Variants in DAB2IP observed in about 807,000 individuals in gnomAD.
The protein encoded by DAB2IP is disabled homolog 2-interacting protein.
Under a neutral mutation model 107.2 loss-of-function variants are expected in DAB2IP, and 28 were observed. The observed-to-expected ratio is 0.26, with a 90% CI of 0.19 to 0.36. The LOEUF (loss-of-function observed/expected upper bound fraction) is 0.36, where lower values mean the gene tolerates loss of function less well. DAB2IP is among the 10% of genes least tolerant of loss of function. The pLI is 1.00. For synonymous variants in DAB2IP, 755 were observed against 706.4 expected (o/e 1.07, Z -1.09); for missense variants, 1,400 against 1,644.7 (o/e 0.85, Z 2.57).
chr9:121,695,505 T>A (rs985912031), intron 2 of DAB2IP, among the ~76,000 whole-genome samples: 1 of 152,170 alleles, frequency 6.6e-6, no homozygotes, highest in Non-Finnish European at 1.5e-5. Context: ...AGAGGTCCAG[T>A]AATCGGCCCA....
chr9:121,728,985 A>G (rs1831378232), intron 3 of DAB2IP, among the ~76,000 whole-genome samples: 1 of 152,240 alleles, frequency 6.6e-6, no homozygotes, highest in South Asian at 2.1e-4. Flanking sequence ...GTAATCACCC[A>G]ATCATAATTC....
intron 11 of DAB2IP, among the ~76,000 whole-genome samples, chr9:121,771,984 T>C (rs1477495950): frequency 1.3e-5 from 2 of 152,064 alleles, no homozygotes; most frequent in Non-Finnish European, 2.9e-5. Context: ...GAGAAAAGCG[T>C]AGAATGAGGA....
chr9:121,760,242 G>A lies in DAB2IP; in HGVS notation c.973G>A (p.Gly325Arg). ...CAACCCCAAGGGCGGCAAGGGCCCT[G>A]GACCCATGATCCGCATCAAGGCGCG... Residue 325 changes from glycine (G) to arginine (R), a missense_variant, in exon 6 of 16, where the codon GGA becomes AGA. Coordinates refer to ENST00000408936, the Ensembl canonical transcript of DAB2IP. The surrounding 1 kb of genome is among the most constrained non-coding windows in gnomAD (Gnocchi z 5.9). The A allele has an allele frequency of 6.2e-7, 1 of 1,613,836 alleles. No homozygotes were observed. Among genetic ancestry groups the A allele is most frequent in the Non-Finnish European group, 8.5e-7 (1 of 1,180,028 alleles).
chr9:121,642,018 TCTC>T (rs1564128765), intron 1 of DAB2IP, among the ~76,000 whole-genome samples: 9 of 30,496 alleles, frequency 3.0e-4, no homozygotes, highest in African/African-American at 1.3e-3. Flanking sequence ...TCTCTCTCTC[TCTC>T]TCTCTCTCTC....
chr9:121,654,605 C>G (rs535333790), intron 1 of DAB2IP, among the ~76,000 whole-genome samples: 1 of 152,264 alleles, frequency 6.6e-6, no homozygotes, highest in East Asian at 1.9e-4. Context: ...AAGCCTCAGA[C>G]GCCTGACTCT....
At chr9:121,696,544 C>T (rs895472020) in intron 2 of DAB2IP, among the ~76,000 whole-genome samples, 5 of 152,120 alleles carry the variant, frequency 3.3e-5, no homozygotes, top group African/African-American at 1.2e-4. Context: ...CTTCATCTGG[C>T]GAAGAGGGAG....
intron 1 of DAB2IP, among the ~76,000 whole-genome samples, chr9:121,658,395 C>G (rs912070706): frequency 6.6e-6 from 1 of 152,222 alleles, no homozygotes; most frequent in Non-Finnish European, 1.5e-5. Flanking sequence ...CTCTGTTTCC[C>G]TGGAAGCTTG....
At chr9:121,644,996 T>C (rs1258426202) in intron 1 of DAB2IP, among the ~76,000 whole-genome samples, 1 of 152,174 alleles carries the variant, frequency 6.6e-6, no homozygotes, top group Non-Finnish European at 1.5e-5. Context: ...CAGGCCTGCT[T>C]GAGAAGGGAG....
Position 121,782,650 on chromosome 9 carries a change from C to A in DAB2IP, c.*152C>A. On this transcript the variant is annotated 3_prime_UTR_variant, in exon 16 of 16. Coordinates refer to ENST00000408936, the Ensembl canonical transcript of DAB2IP. This position sits in a 1 kb window ranked among gnomAD's most constrained non-coding sequence, Gnocchi z 6.1. ...TCCCTGCCGCTGTCCAGGAGGCGGC[C>A]GCAGAGGGAGCCACCAGAGACTGAA... The A allele has an allele frequency of 6.8e-7, 1 of 1,459,908 alleles. No homozygotes were observed. Among genetic ancestry groups the A allele is most frequent in the South Asian group, 1.4e-5 (1 of 70,600 alleles). The allele number at this position is 1,459,908 out of a possible 1,614,324, so 90.4% of individuals were successfully genotyped here.
chr9:121,660,957 G>T (rs1478476150), intron 1 of DAB2IP, among the ~76,000 whole-genome samples: 1 of 152,176 alleles, frequency 6.6e-6, no homozygotes, highest in Non-Finnish European at 1.5e-5. Flanking sequence ...ATGGTAGGCT[G>T]ACACCCACGA....
intron 1 of DAB2IP, among the ~76,000 whole-genome samples, chr9:121,667,980 G>C (rs147472008): frequency 7.9e-5 from 12 of 152,096 alleles, no homozygotes; most frequent in Non-Finnish European, 1.8e-4. Context: ...AAGAGAAAAT[G>C]AGAGAGATGC....
chr9:121,712,377 C>G (rs1830378394), intron 3 of DAB2IP, among the ~76,000 whole-genome samples: 1 of 152,204 alleles, frequency 6.6e-6, no homozygotes, highest in Non-Finnish European at 1.5e-5. Flanking sequence ...TTTCTGGCAG[C>G]CCAAAGGGAG....
At chr9:121,597,446 C>T (rs1255124270) in intron 1 of DAB2IP, among the ~76,000 whole-genome samples, 1 of 152,148 alleles carries the variant, frequency 6.6e-6, no homozygotes, top group Non-Finnish European at 1.5e-5. Flanking sequence ...ATTTTTGCAG[C>T]CTCTATTCTA....
chr9:121,741,499 G>GTC (rs1191939723), intron 3 of DAB2IP, among the ~76,000 whole-genome samples: 7 of 152,152 alleles, frequency 4.6e-5, no homozygotes, highest in Non-Finnish European at 7.4e-5. Context: ...GACTTGCTTA[G>GTC]TCTGGGCTTG....
chr9:121,699,377 C>T lies in DAB2IP; in HGVS notation c.281C>T (p.Pro94Leu), dbSNP rs1439178579. The change falls in exon 3 of 16, where the codon CCC (proline) becomes CTC (leucine). Residue 94 changes from proline to leucine, a missense_variant. Around this residue, in one of 3 missense-constraint regions of DAB2IP, gnomAD observed 283 missense variants for 237.0 expected, o/e 1.19. Transcript: ENST00000408936. The surrounding 1 kb of genome is among the most constrained non-coding windows in gnomAD (Gnocchi z 6.2). The stretch of plus-strand genomic sequence containing the variant: ...TCCATCAAGCGCACCAAGAGCCAGC[C>T]CAAGCTGGACCGCAACCACAGCTTC... 2.7e-6 allele frequency: 4 copies of T among 1,484,926 alleles called. No homozygotes were observed. In the South Asian group the frequency reaches 5.0e-5, roughly 19 times the overall value. The allele number at this position is 1,484,926 out of a possible 1,614,324, so 92.0% of individuals were successfully genotyped here. A position where few individuals can be genotyped will look rare whatever the true frequency, so the allele number is the denominator to read the frequency against.
chr9:121,768,549 C>A, exon 10 of DAB2IP: 1 of 1,614,228 alleles, frequency 6.2e-7, no homozygotes, highest in African/African-American at 1.3e-5. Flanking sequence ...CCAATACAGC[C>A]GGCTTCGAGG....
intron 2 of DAB2IP, chr9:121,678,985 C>G: frequency 2.1e-6 from 1 of 474,718 alleles, no homozygotes; most frequent in Non-Finnish European, 3.6e-6. Flanking sequence ...CATGGGGGGT[C>G]CCATCCTGAG....
chr9:121,781,201 A>AAGG (rs1835609088), intron 14 of DAB2IP, among the ~76,000 whole-genome samples: 1 of 152,180 alleles, frequency 6.6e-6, no homozygotes, highest in Non-Finnish European at 1.5e-5. Context: ...AACATCGGGA[A>AAGG]AGGGGCAGCC....
At chr9:121,710,556 T>C (rs1228482865) in intron 3 of DAB2IP, among the ~76,000 whole-genome samples, 1 of 152,204 alleles carries the variant, frequency 6.6e-6, no homozygotes, top group Non-Finnish European at 1.5e-5. Flanking sequence ...GAGCTGTGGC[T>C]GCGTTTGGAT....
Sources: gnomAD v4.1 joint callset for allele counts (sites outside exome capture counted in the v4.1 genomes callset) on GRCh38, gnomAD v4.1.1 for gene constraint, gnomAD v4.1.1 regional missense constraint, Gnocchi (gnomAD v3.1) non-coding constraint, MANE v1.5 for transcripts, NCBI Gene and HGNC (gene_info 2026-07-23, HGNC 2026-07-21) for gene names.